The following SLC9B1 variants were observed in gnomAD, a reference collection of about 807,000 sequenced individuals.
SLC9B1 encodes the protein sodium/hydrogen exchanger 9B1.
In SLC9B1, 32 loss-of-function variants were observed where a neutral mutation model predicts 51.7. The observed-to-expected ratio is 0.62, with a 90% CI of 0.47 to 0.83. The LOEUF (loss-of-function observed/expected upper bound fraction) is 0.83. Ranked by LOEUF, SLC9B1 falls within the 40% of genes least tolerant of loss-of-function variation. SLC9B1 has a pLI of 0.00. For synonymous variants in SLC9B1, 145 were observed against 212.7 expected, an observed-to-expected ratio of 0.68 and a Z score of 2.77; for missense variants, 406 against 613.2, an observed-to-expected ratio of 0.66 and a Z score of 3.57.
chr4:102,954,508 A>G (rs1737679438), intron 3 of SLC9B1, among the ~76,000 whole-genome samples: 1 of 150,456 alleles, frequency 6.6e-6, no homozygotes, highest in Non-Finnish European at 1.5e-5. Flanking sequence ...ATCATAATCG[A>G]ATAAACAATA....
intron 9 of SLC9B1, 137 bp downstream of exon 9, chr4:102,910,302 T>A: frequency 1.6e-6 from 1 of 627,146 alleles, no homozygotes; most frequent in Non-Finnish European, 2.5e-6. Flanking sequence ...TTTTCTTTCC[T>A]CGATTGATTC....
At chr4:102,935,484 A>C (rs1338301496) in intron 6 of SLC9B1, among the ~76,000 whole-genome samples, 1 of 152,216 alleles carries the variant, frequency 6.6e-6, no homozygotes, top group Admixed American at 6.5e-5. Flanking sequence ...TATTCTAGAC[A>C]AACTTATATT....
chr4:103,007,767 T>C (rs1484613223), intron 1 of SLC9B1, among the ~76,000 whole-genome samples: 1 of 151,872 alleles, frequency 6.6e-6, no homozygotes, highest in Non-Finnish European at 1.5e-5. Context: ...GTCTGGTTAA[T>C]TTTTTGTAGG....
At chr4:102,994,200 T>C (rs929925404) in intron 1 of SLC9B1, among the ~76,000 whole-genome samples, 1 of 152,184 alleles carries the variant, frequency 6.6e-6, no homozygotes, top group African/African-American at 2.4e-5. Flanking sequence ...CAAACTTCTA[T>C]GCTCTGCTTC....
intron 1 of SLC9B1, among the ~76,000 whole-genome samples, chr4:103,004,145 C>G (rs1044076348): frequency 6.6e-6 from 1 of 152,132 alleles, no homozygotes. Flanking sequence ...TGAACATTGA[C>G]ATTCAGGAGA....
chr4:102,955,899 A>AAGAG (rs58779428), intron 3 of SLC9B1, among the ~76,000 whole-genome samples: 4,560 of 107,788 alleles, frequency 0.042, 148 homozygotes, highest in East Asian at 0.12. Flanking sequence ...GAAAGAAAGA[A>AAGAG]AGAGAGAGAA....
intron 11 of SLC9B1, among the ~76,000 whole-genome samples, chr4:102,887,127 T>C (rs1733967643): frequency 6.6e-6 from 1 of 152,226 alleles, no homozygotes. Flanking sequence ...TCATAGGTTT[T>C]TATTTAAAAT....
At chr4:102,984,040 C>T (rs1450777932) in intron 3 of SLC9B1, among the ~76,000 whole-genome samples, 2 of 151,920 alleles carry the variant, frequency 1.3e-5, no homozygotes, top group African/African-American at 4.8e-5. Context: ...TTTCCTTCTA[C>T]TCATTGCTTT....
chr4:102,962,095 C>T, intron 3 of SLC9B1: 3 of 382,024 alleles, frequency 7.9e-6, no homozygotes, highest in South Asian at 6.2e-5. Flanking sequence ...GCACCCACTG[C>T]TCTGGGTCTC....
rs771270680 is a variant in SLC9B1 at position 102,997,221 on chromosome 4, C to A, written c.-1-5509G>T. Among the ~76,000 whole-genome samples, 9 of 152,148 alleles carry A rather than the reference C, an allele frequency of 5.9e-5. No individual in the cohort carries two copies. The East Asian group carries it at 1.2e-3, about 20-fold the overall frequency. ...ACCAAGTTGTCAATTTACACACACA[C>A]AGCTGGAATTTTGACTGAAGTTACA... On this transcript the variant is annotated intron_variant, in intron 1 of 11. Coordinates refer to ENST00000296422, the MANE Select transcript of SLC9B1 (RefSeq NM_139173.4).
intron 1 of SLC9B1, among the ~76,000 whole-genome samples, chr4:103,006,164 T>C (rs992591237): frequency 2.6e-5 from 4 of 151,830 alleles, no homozygotes; most frequent in African/African-American, 9.7e-5. Context: ...CAGGAGTTGG[T>C]TTTTTGAAAG....
At chr4:102,973,964 G>C (rs1738895738) in intron 3 of SLC9B1, among the ~76,000 whole-genome samples, 1 of 152,092 alleles carries the variant, frequency 6.6e-6, no homozygotes, top group Non-Finnish European at 1.5e-5. Context: ...GATTGGGCAT[G>C]GTGGCTCAGG....
Position 102,994,370 on chromosome 4 carries a change from T to C in SLC9B1, c.-1-2658A>G, listed in dbSNP as rs1367147906. On this transcript the variant is annotated intron_variant, in intron 1 of 11. Transcript: ENST00000296422. ...GACCTTTACTCCAATTCCCAACAAG[T>C]TCCTCATCTCCATCTCAAACCACCT... is the stretch of plus-strand genomic sequence containing the variant. 4.6e-5 allele frequency among the ~76,000 whole-genome samples: 7 copies of C among 152,050 alleles called. No homozygotes were observed. The East Asian group carries it at 9.7e-4, about 21-fold the overall frequency.
chr4:102,933,968 A>G (rs1374255634), intron 6 of SLC9B1, among the ~76,000 whole-genome samples: 1 of 152,202 alleles, frequency 6.6e-6, no homozygotes, highest in Admixed American at 6.5e-5. Flanking sequence ...ACGGTGTTTC[A>G]CCATTTTGGC....
intron 3 of SLC9B1, chr4:102,962,935 A>G: frequency 2.2e-6 from 1 of 464,666 alleles, no homozygotes. Flanking sequence ...TTTTTTACCC[A>G]GAGTTTGCCA....
chr4:102,902,031 TC>T (rs1221165624), intron 11 of SLC9B1, among the ~76,000 whole-genome samples: 1 of 152,196 alleles, frequency 6.6e-6, no homozygotes, highest in Non-Finnish European at 1.5e-5. Context: ...TCTCTCTCCC[TC>T]ACTCCTCATG....
chr4:102,918,373 G>A (rs376566701), intron 7 of SLC9B1, among the ~76,000 whole-genome samples: 1 of 151,754 alleles, frequency 6.6e-6, no homozygotes, highest in Non-Finnish European at 1.5e-5. Context: ...AATCTTAATA[G>A]ACCTATAACT....
intron 7 of SLC9B1, among the ~76,000 whole-genome samples, chr4:102,930,435 T>G (rs1736392462): frequency 6.6e-6 from 1 of 152,214 alleles, no homozygotes; most frequent in South Asian, 2.1e-4. Flanking sequence ...AAAAAAATTT[T>G]TTTTGAGACA....
At chr4:102,977,663 A>C (rs1035805655) in intron 3 of SLC9B1, among the ~76,000 whole-genome samples, 2 of 152,142 alleles carry the variant, frequency 1.3e-5, no homozygotes, top group Admixed American at 1.3e-4. Context: ...ACAACCAGAA[A>C]AATTTCTTGT....
Sources: gnomAD v4.1 joint callset for allele counts (sites outside exome capture counted in the v4.1 genomes callset) on GRCh38, gnomAD v4.1.1 for gene constraint, MANE v1.5 for transcripts, NCBI Gene and HGNC (gene_info 2026-07-23, HGNC 2026-07-21) for gene names.